Variants in AGTR2 observed in about 807,000 individuals in gnomAD.
AGTR2 encodes the protein angiotensin II receptor type 2, also known as type-2 angiotensin II receptor.
Under a neutral mutation model 14.2 loss-of-function variants are expected in AGTR2, and 15 were observed. The ratio of observed to expected loss-of-function variants is 1.05; its 90% CI spans 0.70 to 1.62. The LOEUF (loss-of-function observed/expected upper bound fraction) is 1.62, where lower values mean the gene tolerates loss of function less well. Ranked by LOEUF, AGTR2 falls within the 40% of genes most tolerant of loss-of-function variation. The pLI is 0.00. For synonymous variants in AGTR2, 101 were observed against 98.5 expected (o/e 1.03, Z -0.15); for missense variants, 274 against 273.1 (o/e 1.00, Z -0.02).
chrX:116,172,469 TGTC>T lies in AGTR2; in HGVS notation c.192_194del (p.Val66del), dbSNP rs1569536534. ...TTGTAATTGGATTTCTGGTCAATAT[TGTC>T]GTGGTTACACTGTTTTGTTGTCAAA... On this transcript the variant is annotated inframe_deletion, in exon 3 of 3. Coordinates refer to ENST00000371906, the MANE Select transcript of AGTR2 (RefSeq NM_000686.5). 7.4e-6 allele frequency: 9 copies of T among 1,210,899 alleles called. No individual in the cohort carries two copies. The South Asian group carries it at 8.8e-5, about 12-fold the overall frequency.
In AGTR2 at chrX:116,173,709, T is replaced by G; in HGVS notation, c.*337T>G. ...GCTTGTGTTTCTTAGTGGGGTTTTATATCCATTTTTATCAGGATTTCCTCT... is the reference window on the plus strand; with the variant it reads ...GCTTGTGTTTCTTAGTGGGGTTTTAGATCCATTTTTATCAGGATTTCCTCT... On this transcript the variant is annotated 3_prime_UTR_variant, in exon 3 of 3. Coordinates refer to ENST00000371906, the MANE Select transcript of AGTR2 (RefSeq NM_000686.5). The G allele has an allele frequency of 4.3e-6, 1 of 230,599 alleles. No individual in the cohort carries two copies. Among genetic ancestry groups the G allele is most frequent in the Non-Finnish European group, 8.3e-6 (1 of 121,036 alleles). 19.0% of individuals were successfully genotyped at this position (230,599 alleles called of 1,213,427 possible). A position where few individuals can be genotyped will look rare whatever the true frequency, so the allele number is the denominator to read the frequency against.
Position 116,173,295 on chromosome X carries a change from T to G in AGTR2, c.1015T>G (p.Trp339Gly), listed in dbSNP as rs1556673855. 14 of 1,211,326 alleles carry G rather than the reference T, an allele frequency of 1.2e-5. No individual in the cohort carries two copies. Among genetic ancestry groups the G allele is most frequent in the Non-Finnish European group, 1.5e-5 (13 of 895,198 alleles). Residue 339 changes from tryptophan (W) to glycine (G), a missense_variant, in exon 3 of 3, where the codon TGG becomes GGG. Trp to Gly is a radical substitution (Grantham distance 184, BLOSUM62 -2). Transcript: ENST00000371906. ...CAGTGTGTTTAGGGTTCCAATTACTTGGCTCCAAGGGAAAAGAGAGAGTAT... is the reference window on the plus strand; with the variant it reads ...CAGTGTGTTTAGGGTTCCAATTACTGGGCTCCAAGGGAAAAGAGAGAGTAT... Reference protein sequence around the residue: ...LRSVFRVPITWLQGKRESMSC... With the variant: ...LRSVFRVPITGLQGKRESMSC...
chrX:116,172,854 G>A lies in AGTR2; in HGVS notation c.574G>A (p.Val192Met). ...RDVRTIEYLG[V>M]NACIMAFPPE... ...CGTCAGAACCATTGAATACTTAGGA[G>A]TGAATGCTTGCATTATGGCTTTCCC... The change falls in exon 3 of 3, where the codon GTG (valine) becomes ATG (methionine). Residue 192 changes from valine to methionine, a missense_variant. Transcript: ENST00000371906. The A allele has an allele frequency of 8.3e-7, 1 of 1,211,582 alleles. No homozygotes were observed. The highest frequency in any genetic ancestry group is 3.0e-5 in the East Asian group (1 of 33,843).
At position 116,174,679 on chromosome X, in the gene AGTR2, T is replaced by C. The variant is rs1922576718; in HGVS notation, c.*1307T>C. On this transcript the variant is annotated 3_prime_UTR_variant, in exon 3 of 3. Transcript: ENST00000371906. ...AATATTAATTTTAGAAATTTGAGAC[T>C]TTATTCTGTACCAGCCCTGTATAAT... is the stretch of plus-strand genomic sequence containing the variant. 8.2e-6 allele frequency: 1 copy of C among 122,239 alleles called. No homozygotes were observed. Among genetic ancestry groups the C allele is most frequent in the Non-Finnish European group, 1.9e-5 (1 of 52,979 alleles). 10.1% of individuals were successfully genotyped at this position (122,239 alleles called of 1,213,427 possible).
rs387906503 is a variant in AGTR2, at chrX:116,172,674, AT to A, written c.402del (p.Phe134LeufsTer5). The A allele has an allele frequency of 5.8e-4, 695 of 1,208,062 alleles. No individual in the cohort carries two copies. The highest frequency in any genetic ancestry group is 7.4e-4 in the Non-Finnish European group (666 of 894,274). On this transcript the variant is annotated frameshift_variant, in exon 3 of 3. Transcript: ENST00000371906. LOFTEE classifies it high-confidence loss of function. ...SFLTLNMFAS[I>X]FFITCMSVDR... is the part of the protein sequence containing the mutation. ...TCTTACCCTGAACATGTTTGCAAGC[AT>A]TTTTTTTATCACCTGCATGAGTGTT...
Position 116,172,376 on chromosome X carries a change from C to A in AGTR2, c.96C>A (p.Thr32=). 3.3e-6 allele frequency: 4 copies of A among 1,211,208 alleles called. No individual in the cohort carries two copies. Among genetic ancestry groups the A allele is most frequent in the Non-Finnish European group, 4.5e-6 (4 of 895,100 alleles). ...LVNISGNNES[T]LNCSQKPSDK... is the part of the protein sequence containing the mutation. ...ACATCTCTGGCAACAATGAGTCTAC[C>A]TTGAACTGTTCACAGAAACCATCAG... Residue 32 remains threonine (T), a synonymous_variant, in exon 3 of 3, where the codon ACC becomes ACA. Transcript: ENST00000371906.
Position 116,173,338 on chromosome X carries a change from G to A in AGTR2, c.1058G>A (p.Ser353Asn). Residue 353 changes from serine (S) to asparagine (N), a missense_variant, in exon 3 of 3, where the codon AGT becomes AAT. Ser to Asn is a conservative substitution (Grantham distance 46, BLOSUM62 1). Coordinates refer to ENST00000371906, the MANE Select transcript of AGTR2 (RefSeq NM_000686.5). ...GAGAGTATGTCTTGCCGGAAAAGCA[G>A]TTCTCTTAGAGAAATGGAGACCTTT... ...KRESMSCRKS[S>N]SLREMETFVS The A allele has an allele frequency of 8.3e-7, 1 of 1,211,479 alleles. No homozygotes were observed. The highest frequency in any genetic ancestry group is 1.1e-6 in the Non-Finnish European group (1 of 895,287).
chrX:116,173,358 A>C lies in AGTR2; in HGVS notation c.1078A>C (p.Thr360Pro), dbSNP rs2147302626. 8.3e-7 allele frequency: 1 copy of C among 1,211,224 alleles called. No individual in the cohort carries two copies. The highest frequency in any genetic ancestry group is 3.0e-5 in the East Asian group (1 of 33,841). The stretch of plus-strand genomic sequence containing the variant: ...AAGCAGTTCTCTTAGAGAAATGGAG[A>C]CCTTTGTGTCTTAAACGTGAGAGCA... Reference protein sequence around the residue: ...RKSSSLREMETFVS With the variant: ...RKSSSLREMEPFVS Residue 360 changes from threonine to proline, a missense_variant, in exon 3 of 3, where the codon ACC (threonine) becomes CCC (proline). Physicochemically the swap from Thr to Pro is conservative, Grantham distance 38. Coordinates refer to ENST00000371906, the MANE Select transcript of AGTR2 (RefSeq NM_000686.5).
In AGTR2 at chrX:116,170,959, C is replaced by G. The variant is rs1433641964; in HGVS notation, c.-95-9C>G. 9.0e-6 allele frequency: 1 copy of G among 111,564 alleles called. No individual in the cohort carries two copies. The highest frequency in any genetic ancestry group is 3.2e-5 in the African/African-American group (1 of 30,780). 9.2% of individuals were successfully genotyped at this position (111,564 alleles called of 1,213,427 possible). Reference sequence around the variant, plus strand: ...CTCCTGAATTATTTAGCTGCTGTTTCTCTTACAGGAGTGTGTTTAGGCACT... The same window carrying G: ...CTCCTGAATTATTTAGCTGCTGTTTGTCTTACAGGAGTGTGTTTAGGCACT... On this transcript the variant is annotated splice_polypyrimidine_tract_variant and intron_variant, in intron 1 of 2. Coordinates refer to ENST00000371906, the MANE Select transcript of AGTR2 (RefSeq NM_000686.5).
At position 116,172,612 on chromosome X, in the gene AGTR2, T is replaced by A; in HGVS notation, c.332T>A (p.Leu111His). The change falls in exon 3 of 3, where the codon CTC (leucine) becomes CAC (histidine). Residue 111 changes from leucine to histidine, a missense_variant. Leu to His is a moderately conservative substitution (Grantham distance 99). Coordinates refer to ENST00000371906, the MANE Select transcript of AGTR2 (RefSeq NM_000686.5). ...TATTATTCTTATAGATATGACTGGC[T>A]CTTTGGACCTGTGATGTGCAAAGTT... The part of the protein sequence containing the change: ...ATYYSYRYDW[L>H]FGPVMCKVFG... 8.3e-7 allele frequency: 1 copy of A among 1,211,432 alleles called. No homozygotes were observed. Among genetic ancestry groups the A allele is most frequent in the Non-Finnish European group, 1.1e-6 (1 of 895,339 alleles).
At chrX:116,172,202 C>T (rs1922470826) in intron 2 of AGTR2, 44 bp from the exon 3 acceptor site, 3 of 1,124,788 alleles carry the variant, frequency 2.7e-6, no homozygotes, top group Admixed American at 4.4e-5. Flanking sequence ...AGGATGTCCT[C>T]AGCTCTGTAT....
At chrX:116,172,118 C>G in intron 2 of AGTR2, 128 bp from the exon 3 acceptor site, 1 of 547,570 alleles carries the variant, frequency 1.8e-6, no homozygotes, top group South Asian at 3.3e-5. Context: ...AGCCATGGCT[C>G]TGTTTCTTAA....
chrX:116,173,261 G>A lies in AGTR2; in HGVS notation c.981G>A (p.Gln327=). The A allele has an allele frequency of 1.7e-6, 2 of 1,211,443 alleles. No individual in the cohort carries two copies. Among genetic ancestry groups the A allele is most frequent in the South Asian group, 3.5e-5 (2 of 56,978 alleles). Residue 327 remains glutamine, a synonymous_variant, in exon 3 of 3, where the codon CAG becomes CAA. Coordinates refer to ENST00000371906, the MANE Select transcript of AGTR2 (RefSeq NM_000686.5). ...GTTTTGTTGGAAACCGGTTCCAACA[G>A]AAGCTCCGCAGTGTGTTTAGGGTTC... The part of the protein sequence containing the change: ...LYCFVGNRFQ[Q]KLRSVFRVPI...
In AGTR2 at chrX:116,172,945, T is replaced by C. The variant is rs781906897; in HGVS notation, c.665T>C (p.Ile222Thr). 3 of 1,208,820 alleles carry C rather than the reference T, an allele frequency of 2.5e-6. No individual in the cohort carries two copies. Among genetic ancestry groups the C allele is most frequent in the Non-Finnish European group, 3.4e-6 (3 of 894,544 alleles). ...ALMKNILGFI[I>T]PLIFIATCYF... ...ATGAAAAATATCCTTGGTTTTATTA[T>C]CCCTTTAATATTCATAGCAACATGC... The change falls in exon 3 of 3, where the codon ATC (isoleucine) becomes ACC (threonine). Residue 222 changes from isoleucine (I) to threonine (T), a missense_variant. Transcript: ENST00000371906.
rs782698423 is a variant in AGTR2 at position 116,173,216 on chromosome X, C to T, written c.936C>T (p.Cys312=). Residue 312 remains cysteine (C), a synonymous_variant, in exon 3 of 3, where the codon TGC becomes TGT. Transcript: ENST00000371906. Reference sequence around the variant, plus strand: ...TCCTCTTGGGATTCACCAACAGCTGCGTTAATCCGTTTCTGTATTGTTTTG... The same window carrying T: ...TCCTCTTGGGATTCACCAACAGCTGTGTTAATCCGTTTCTGTATTGTTTTG... ...FAILLGFTNS[C]VNPFLYCFVG... is the part of the protein sequence containing the mutation. 10 of 1,208,918 alleles carry T rather than the reference C, an allele frequency of 8.3e-6. No homozygotes were observed. In the South Asian group the frequency reaches 1.1e-4, roughly 13 times the overall value.
Position 116,172,795 on chromosome X carries a change from GT to G in AGTR2, c.518del (p.Leu173CysfsTer18). 8.3e-7 allele frequency: 1 copy of G among 1,210,900 alleles called. No individual in the cohort carries two copies. The highest frequency in any genetic ancestry group is 3.0e-5 in the East Asian group (1 of 33,826). The stretch of plus-strand genomic sequence containing the variant: ...GTTCCCCTTGTTTGGTGTATGGCCT[GT>G]TTGTCCTCATTGCCAACATTTTATT... ...YIVPLVWCMA[C>X]LSSLPTFYFR... On this transcript the variant is annotated frameshift_variant, in exon 3 of 3. Coordinates refer to ENST00000371906, the MANE Select transcript of AGTR2 (RefSeq NM_000686.5). LOFTEE classifies it high-confidence loss of function.
At position 116,173,273 on chromosome X, in the gene AGTR2, T is replaced by C. The variant is rs1025637406; in HGVS notation, c.993T>C (p.Ser331=). 6 of 1,211,114 alleles carry C rather than the reference T, an allele frequency of 5.0e-6. No individual in the cohort carries two copies. The highest frequency in any genetic ancestry group is 6.7e-6 in the Non-Finnish European group (6 of 895,161). Residue 331 remains serine, a synonymous_variant, in exon 3 of 3, where the codon AGT becomes AGC. Coordinates refer to ENST00000371906, the MANE Select transcript of AGTR2 (RefSeq NM_000686.5). ...ACCGGTTCCAACAGAAGCTCCGCAG[T>C]GTGTTTAGGGTTCCAATTACTTGGC... ...VGNRFQQKLR[S]VFRVPITWLQ...
chrX:116,172,184 A>G, intron 2 of AGTR2, 62 bp from the exon 3 acceptor site: 1 of 1,038,719 alleles, frequency 9.6e-7, no homozygotes, highest in Non-Finnish European at 1.3e-6. Flanking sequence ...CAAAATGCTA[A>G]TGATTCAAGG....
chrX:116,172,853 A>C lies in AGTR2; in HGVS notation c.573A>C (p.Gly191=). 8.3e-7 allele frequency: 1 copy of C among 1,211,727 alleles called. No individual in the cohort carries two copies. The highest frequency in any genetic ancestry group is 1.1e-6 in the Non-Finnish European group (1 of 895,418). The change falls in exon 3 of 3, where the codon GGA becomes GGC. Residue 191 remains glycine, a synonymous_variant. Coordinates refer to ENST00000371906, the MANE Select transcript of AGTR2 (RefSeq NM_000686.5). ...FRDVRTIEYL[G]VNACIMAFPP... The stretch of plus-strand genomic sequence containing the variant: ...ACGTCAGAACCATTGAATACTTAGG[A>C]GTGAATGCTTGCATTATGGCTTTCC...
Sources: allele counts gnomAD v4.1 joint callset, GRCh38; gene constraint gnomAD v4.1.1; transcripts MANE v1.5; gene names NCBI Gene and HGNC (gene_info 2026-07-23, HGNC 2026-07-21).